Variants in RYR3 observed in about 807,000 individuals in gnomAD.
The protein encoded by RYR3 is ryanodine receptor 3.
In RYR3, 207 loss-of-function variants were observed where a neutral mutation model predicts 584.3. That is an observed-to-expected ratio of 0.35 (90% CI 0.32 to 0.40). The LOEUF is 0.40. RYR3 is among the 10% of genes least tolerant of loss of function. The probability of loss-of-function intolerance (pLI) is 1.00; values close to 1 mark genes in which losing one functional copy is unlikely to be tolerated. For missense variants in RYR3, 5,616 were observed against 6,089.2 expected (o/e 0.92, Z 2.59); for synonymous variants, 2,416 against 2,248.5 (o/e 1.07, Z -2.11).
chr15:33,756,066 G>A (rs1470293006), intron 58 of RYR3, among the ~76,000 whole-genome samples: 2 of 152,150 alleles, frequency 1.3e-5, no homozygotes, highest in African/African-American at 2.4e-5. Flanking sequence ...TAGCCATCGC[G>A]CCCAGCCTTG....
Position 33,726,419 on chromosome 15 carries a change from A to G in RYR3, c.6946A>G (p.Ile2316Val). The G allele has an allele frequency of 6.2e-7, 1 of 1,612,930 alleles. No homozygotes were observed. Among genetic ancestry groups the G allele is most frequent in the Non-Finnish European group, 8.5e-7 (1 of 1,179,488 alleles). ...IQTGKGEAIRIRSILRSLVPT... is the reference protein window; with the variant it reads ...IQTGKGEAIRVRSILRSLVPT... ...GACAGGAAAGGGGGAAGCCATCCGC[A>G]TCAGGTCCATCCTGCGCTCCCTGGT... The change falls in exon 46 of 104, where the codon ATC becomes GTC. Residue 2316 changes from isoleucine (I) to valine (V), a missense_variant. Coordinates refer to ENST00000634891, the MANE Select transcript of RYR3 (RefSeq NM_001036.6).
At chr15:33,860,166 G>C (rs1301624121) in intron 100 of RYR3, among the ~76,000 whole-genome samples, 1 of 152,196 alleles carries the variant, frequency 6.6e-6, no homozygotes. Flanking sequence ...AATTTAGCTT[G>C]AGTCATGCTG....
chr15:33,488,449 C>CTTTTTTTTTTTT (rs72098093), intron 2 of RYR3, among the ~76,000 whole-genome samples: 2 of 127,502 alleles, frequency 1.6e-5, no homozygotes, highest in Non-Finnish European at 1.7e-5. Context: ...ACAGTCTTGC[C>CTTTTTTTTTTTT]TTTTTTTTTT....
chr15:33,700,889 C>G, intron 41 of RYR3, 88 bp from the exon 42 acceptor site: 2 of 885,056 alleles, frequency 2.3e-6, no homozygotes, highest in Admixed American at 2.1e-5. Context: ...GCTGCCCTCT[C>G]CTGTCCGCTT....
At chr15:33,825,950 T>C in intron 82 of RYR3, 1 of 502,222 alleles carries the variant, frequency 2.0e-6, no homozygotes, top group South Asian at 2.2e-5. Context: ...GCCAGGCTGG[T>C]CTTGAACTCC....
chr15:33,504,250 A>G (rs1211537916), intron 3 of RYR3, among the ~76,000 whole-genome samples: 2 of 152,194 alleles, frequency 1.3e-5, no homozygotes, highest in African/African-American at 4.8e-5. Context: ...TTGAGTTTCC[A>G]TTGTCAGTAA....
Position 33,721,537 on chromosome 15 carries a change from G to T in RYR3, c.6620-1178G>T, listed in dbSNP as rs531861896. On this transcript the variant is annotated intron_variant, in intron 43 of 103. Transcript: ENST00000634891. ...CTCAGTTCTCCAAGAAATACCTAGG[G>T]TATTTCTGTAGAAAAGTTTTTCTTC... Among the ~76,000 whole-genome samples the T allele has an allele frequency of 5.9e-5, 9 of 152,250 alleles. No individual in the cohort carries two copies. In the South Asian group the frequency reaches 1.9e-3, roughly 32 times the overall value.
At position 33,473,487 on chromosome 15, in the gene RYR3, C is replaced by A; in HGVS notation, c.120C>A (p.Ala40=). Reference sequence around the variant, plus strand: ...AGCAGAGGAAGTTCTGCCTGGCAGCCGAGGGACTTGGGAATCGCCTGTGCT... The same window carrying A: ...AGCAGAGGAAGTTCTGCCTGGCAGCAGAGGGACTTGGGAATCGCCTGTGCT... ...HKEQRKFCLA[A]EGLGNRLCFL... The change falls in exon 2 of 104, where the codon GCC becomes GCA. Residue 40 remains alanine, a synonymous_variant. Coordinates refer to ENST00000634891, the MANE Select transcript of RYR3 (RefSeq NM_001036.6). The A allele has an allele frequency of 6.2e-7, 1 of 1,613,880 alleles. No individual in the cohort carries two copies. Among genetic ancestry groups the A allele is most frequent in the Non-Finnish European group, 8.5e-7 (1 of 1,179,864 alleles).
At chr15:33,778,172 A>AATAC (rs775377731) in intron 64 of RYR3, among the ~76,000 whole-genome samples, 65 of 151,608 alleles carry the variant, frequency 4.3e-4, no homozygotes, top group Non-Finnish European at 7.5e-4. Flanking sequence ...TCTGTCTCAA[A>AATAC]ATAAATAAAT....
At chr15:33,829,335 A>G (rs1032832559) in intron 85 of RYR3, among the ~76,000 whole-genome samples, 25 of 152,122 alleles carry the variant, frequency 1.6e-4, no homozygotes, top group African/African-American at 5.8e-4. Flanking sequence ...TGCAAGTCTT[A>G]TTTTTTAAGA....
intron 16 of RYR3, among the ~76,000 whole-genome samples, chr15:33,595,701 T>A (rs973689424): frequency 2.0e-5 from 3 of 152,148 alleles, no homozygotes; most frequent in African/African-American, 7.2e-5. Flanking sequence ...GTGTTTAAGA[T>A]TTAGCAGGAC....
chr15:33,645,662 A>T (rs12439006), intron 28 of RYR3, among the ~76,000 whole-genome samples: 3 of 152,158 alleles, frequency 2.0e-5, no homozygotes, highest in Non-Finnish European at 4.4e-5. Context: ...AGAGGCTCAG[A>T]TTATAAGAAA....
intron 1 of RYR3, among the ~76,000 whole-genome samples, chr15:33,457,669 G>A (rs2047670866): frequency 2.0e-5 from 3 of 152,178 alleles, no homozygotes; most frequent in African/African-American, 7.2e-5. Context: ...GCACAGTAGG[G>A]TGACTACGAT....
At chr15:33,593,553 CA>C (rs1228705567) in intron 16 of RYR3, among the ~76,000 whole-genome samples, 1 of 152,124 alleles carries the variant, frequency 6.6e-6, no homozygotes, top group East Asian at 1.9e-4. Context: ...TGTACGTAAA[CA>C]GGTTGCTGTT....
intron 1 of RYR3, among the ~76,000 whole-genome samples, chr15:33,416,405 G>A (rs1335625876): frequency 6.6e-6 from 1 of 152,146 alleles, no homozygotes; most frequent in Non-Finnish European, 1.5e-5. Context: ...TCTGACTGGT[G>A]TGAGATGGTA....
At chr15:33,329,079 G>T (rs1042390082) in intron 1 of RYR3, among the ~76,000 whole-genome samples, 1 of 152,136 alleles carries the variant, frequency 6.6e-6, no homozygotes, top group Non-Finnish European at 1.5e-5. Context: ...AACTTCTGTA[G>T]TTGTCTATCA....
At chr15:33,633,206 T>G in intron 24 of RYR3, 98 bp downstream of exon 24, 1 of 1,313,204 alleles carries the variant, frequency 7.6e-7, no homozygotes, top group Non-Finnish European at 1.1e-6. Context: ...AGGAAGAGTT[T>G]GCCTTTGCAC....
At chr15:33,654,872 G>T (rs1359821668) in intron 32 of RYR3, among the ~76,000 whole-genome samples, 1 of 152,256 alleles carries the variant, frequency 6.6e-6, no homozygotes, top group African/African-American at 2.4e-5. Flanking sequence ...CCTTCAGGCT[G>T]AAAAGCCTCT....
intron 94 of RYR3, among the ~76,000 whole-genome samples, 181 bp downstream of exon 94, chr15:33,848,602 T>C (rs1337334672): frequency 6.6e-6 from 1 of 152,236 alleles, no homozygotes; most frequent in Non-Finnish European, 1.5e-5. Context: ...TAGACTTCTA[T>C]TAGTTTAATG....
Sources: gnomAD v4.1 joint callset for allele counts (sites outside exome capture counted in the v4.1 genomes callset) on GRCh38, gnomAD v4.1.1 for gene constraint, MANE v1.5 for transcripts, NCBI Gene and HGNC (gene_info 2026-07-23, HGNC 2026-07-21) for gene names.